Variants in DNAH6 observed in about 807,000 individuals in gnomAD.
The protein encoded by DNAH6 is axonemal beta dynein heavy chain 6.
Under a neutral mutation model 491.4 loss-of-function variants are expected in DNAH6, and 340 were observed. That is an observed-to-expected ratio of 0.69 (90% CI 0.63 to 0.76). The LOEUF is 0.76. Ranked by LOEUF, DNAH6 falls within the 30% of genes least tolerant of loss-of-function variation. The pLI is 0.00. For missense variants in DNAH6, 4,443 were observed against 4,972.2 expected (o/e 0.89, Z 3.20); for synonymous variants, 1,603 against 1,686.1 (o/e 0.95, Z 1.21).
At chr2:84,810,060 C>T (rs1679815191) in intron 72 of DNAH6, among the ~76,000 whole-genome samples, 4 of 152,120 alleles carry the variant, frequency 2.6e-5, no homozygotes, top group African/African-American at 7.2e-5. Flanking sequence ...TGAACTTTCA[C>T]CCACTTGAAT....
rs575556806 is a variant in DNAH6 at position 84,634,660 on chromosome 2, G to A, written c.4653+19G>A. ...GGCAAAGGTAAGGCACTGGGCAATCGACTTTCAAGGTAGCAATCCTTAAAT... is the reference window on the plus strand; with the variant it reads ...GGCAAAGGTAAGGCACTGGGCAATCAACTTTCAAGGTAGCAATCCTTAAAT... On this transcript the variant is annotated intron_variant, in intron 30 of 76. Coordinates refer to ENST00000389394, the MANE Select transcript of DNAH6 (RefSeq NM_001370.2). The A allele has an allele frequency of 4.7e-6, 7 of 1,487,904 alleles. No homozygotes were observed. The highest frequency in any genetic ancestry group is 4.3e-5 in the African/African-American group (3 of 68,970). The allele number at this position is 1,487,904 out of a possible 1,614,324, so 92.2% of individuals were successfully genotyped here. A position where few individuals can be genotyped will look rare whatever the true frequency, so the allele number is the denominator to read the frequency against.
intron 18 of DNAH6, 137 bp downstream of exon 18, chr2:84,595,926 T>C: frequency 1.0e-6 from 1 of 990,752 alleles, no homozygotes; most frequent in South Asian, 2.1e-5. Context: ...TCAAATTCAT[T>C]TTTTTGCAGT....
chr2:84,759,142 C>G (rs1674331987), intron 63 of DNAH6, among the ~76,000 whole-genome samples: 2 of 151,684 alleles, frequency 1.3e-5, no homozygotes, highest in African/African-American at 4.8e-5. Context: ...AGTAGCATTT[C>G]TAGATATTGA....
intron 11 of DNAH6, among the ~76,000 whole-genome samples, chr2:84,564,505 A>C (rs13414268): frequency 1.3e-5 from 2 of 151,990 alleles, no homozygotes; most frequent in African/African-American, 4.8e-5. Flanking sequence ...TTTAAGGTGT[A>C]TAGAAATGCT....
At chr2:84,626,959 T>C (rs573681389) in intron 29 of DNAH6, among the ~76,000 whole-genome samples, 4 of 152,168 alleles carry the variant, frequency 2.6e-5, no homozygotes, top group Admixed American at 6.5e-5. Context: ...GAGATATTTA[T>C]TAAACTACAT....
chr2:84,772,350 A>G (rs1675709638), intron 64 of DNAH6, among the ~76,000 whole-genome samples: 1 of 152,054 alleles, frequency 6.6e-6, no homozygotes, highest in Non-Finnish European at 1.5e-5. Context: ...CTTATTAGTA[A>G]TTATATTAAA....
intron 11 of DNAH6, among the ~76,000 whole-genome samples, chr2:84,568,375 A>G (rs1470751199): frequency 3.3e-5 from 5 of 152,218 alleles, no homozygotes; most frequent in African/African-American, 1.2e-4. Context: ...TATACCGTGG[A>G]ATACTGTGCA....
intron 67 of DNAH6, 111 bp from the exon 68 acceptor site, chr2:84,787,053 G>A: frequency 2.8e-6 from 2 of 708,784 alleles, no homozygotes; most frequent in Non-Finnish European, 2.2e-6. Context: ...TACTGATTTT[G>A]CAGTGTGGGG....
At chr2:84,522,576 C>T (rs772304402) in intron 2 of DNAH6, among the ~76,000 whole-genome samples, 15 of 152,024 alleles carry the variant, frequency 9.9e-5, no homozygotes, top group Non-Finnish European at 1.9e-4. Flanking sequence ...ATGCTTCCAG[C>T]TTTTAACAAT....
At chr2:84,654,000 CTTAT>C in intron 34 of DNAH6, 126 bp downstream of exon 34, 1 of 738,156 alleles carries the variant, frequency 1.4e-6, no homozygotes, top group Non-Finnish European at 2.1e-6. Context: ...TGTTTACTTA[CTTAT>C]TAAGTCATCC....
In DNAH6 at chr2:84,813,079, C is replaced by T. The variant is rs202017484; in HGVS notation, c.11947C>T (p.Pro3983Ser). 7.9e-4 allele frequency: 1,225 copies of T among 1,551,490 alleles called. No individual in the cohort carries two copies. Among genetic ancestry groups the T allele is most frequent in the Non-Finnish European group, 1.0e-3 (1,173 of 1,146,772 alleles). ...TCAGCTGTGGCTCAAAAGAGGACAG[C>T]CTAAGTCCTACTGGATCTCTGGTTT... ...FVDLWLKRGQ[P>S]KSYWISGFFF... The change falls in exon 74 of 77, where the codon CCT (proline) becomes TCT (serine). Residue 3983 changes from proline to serine, a missense_variant. Coordinates refer to ENST00000389394, the MANE Select transcript of DNAH6 (RefSeq NM_001370.2).
At chr2:84,606,241 TA>T (rs1451905330) in intron 20 of DNAH6, among the ~76,000 whole-genome samples, 1 of 152,108 alleles carries the variant, frequency 6.6e-6, no homozygotes, top group Non-Finnish European at 1.5e-5. Flanking sequence ...GAATTAGAGA[TA>T]AAATAGCTTT....
intron 39 of DNAH6, among the ~76,000 whole-genome samples, chr2:84,671,834 T>C (rs1325348363): frequency 1.3e-5 from 2 of 152,246 alleles, no homozygotes; most frequent in African/African-American, 2.4e-5. Flanking sequence ...AAATGTGGCA[T>C]TGTGCAGCCC....
At chr2:84,792,742 C>T (rs749518701) in intron 68 of DNAH6, among the ~76,000 whole-genome samples, 8 of 152,158 alleles carry the variant, frequency 5.3e-5, no homozygotes, top group Non-Finnish European at 7.3e-5. Flanking sequence ...AACTTACAAA[C>T]ATTGGTTAGC....
the DNAH6 span, among the ~76,000 whole-genome samples, chr2:84,477,474 C>G: frequency 1.2e-4 from 19 of 152,052 alleles, no homozygotes; most frequent in Non-Finnish European, 2.1e-4. Context: ...TCTGACAGAC[C>G]CCTCAAACCT....
At position 84,688,600 on chromosome 2, in the gene DNAH6, T is replaced by G; in HGVS notation, c.7292+7T>G. 6.6e-7 allele frequency: 1 copy of G among 1,519,850 alleles called. No homozygotes were observed. Among genetic ancestry groups the G allele is most frequent in the South Asian group, 1.3e-5 (1 of 77,114 alleles). 94.1% of individuals were successfully genotyped at this position (1,519,850 alleles called of 1,614,324 possible). On this transcript the variant is annotated splice_region_variant and intron_variant, in intron 45 of 76. Transcript: ENST00000389394. ...CTATAGAACATGTTTCAAGGTATAG[T>G]GCTATAAGGCGCCCAATAATGCATT...
At position 84,577,283 on chromosome 2, in the gene DNAH6, GA is replaced by G; in HGVS notation, c.1956del (p.Lys652AsnfsTer10). 1.3e-6 allele frequency: 2 copies of G among 1,585,934 alleles called. No homozygotes were observed. The highest frequency in any genetic ancestry group is 8.6e-7 in the Non-Finnish European group (1 of 1,169,136). On this transcript the variant is annotated frameshift_variant, in exon 13 of 77. Coordinates refer to ENST00000389394, the MANE Select transcript of DNAH6 (RefSeq NM_001370.2). LOFTEE classifies it high-confidence loss of function. ...PDINFFSEQL[E>X]KYHKQHKDAV... ...TATTAACTTTTTTAGTGAACAACTGGAAAAATATCACAAACAGCACAAGGAC... is the reference window on the plus strand; with the variant it reads ...TATTAACTTTTTTAGTGAACAACTGGAAAATATCACAAACAGCACAAGGAC...
At chr2:84,735,090 C>G (rs1326977729) in intron 62 of DNAH6, among the ~76,000 whole-genome samples, 2 of 152,068 alleles carry the variant, frequency 1.3e-5, no homozygotes, top group Non-Finnish European at 2.9e-5. Flanking sequence ...CTATTGTTCC[C>G]TCCTTTATGT....
Position 84,685,403 on chromosome 2 carries a change from G to A in DNAH6, c.6994G>A (p.Val2332Ile), listed in dbSNP as rs1694172873. 1.3e-6 allele frequency: 2 copies of A among 1,529,950 alleles called. No homozygotes were observed. Among genetic ancestry groups the A allele is most frequent in the African/African-American group, 1.4e-5 (1 of 72,642 alleles). 94.8% of individuals were successfully genotyped at this position (1,529,950 alleles called of 1,614,324 possible). A position where few individuals can be genotyped will look rare whatever the true frequency, so the allele number is the denominator to read the frequency against. Reference protein sequence around the residue: ...FRLFCHECQRVFHDRLINNED... With the variant: ...FRLFCHECQRIFHDRLINNED... ...ACTCTTTTGCCATGAGTGCCAAAGGGTCTTCCATGATCGCTTGATTAATAA... is the reference window on the plus strand; with the variant it reads ...ACTCTTTTGCCATGAGTGCCAAAGGATCTTCCATGATCGCTTGATTAATAA... The change falls in exon 43 of 77, where the codon GTC becomes ATC. Residue 2332 changes from valine to isoleucine, a missense_variant. By Grantham distance (29) the Val-to-Ile change is conservative. Transcript: ENST00000389394.
Sources: allele counts gnomAD v4.1 joint callset (sites outside exome capture counted in the v4.1 genomes callset), GRCh38; gene constraint gnomAD v4.1.1; transcripts MANE v1.5; gene names NCBI Gene and HGNC (gene_info 2026-07-23, HGNC 2026-07-21).